The following AFF3 variants were observed in gnomAD, a reference collection of about 807,000 sequenced individuals.
AFF3 encodes the protein ALF transcription elongation factor 3.
AFF3 carries 32 observed loss-of-function variants against 129.7 expected under a neutral mutation model. The ratio of observed to expected loss-of-function variants is 0.25; its 90% CI spans 0.19 to 0.33. The LOEUF is 0.33. Among genes scored for constraint, AFF3 ranks in the 10% least tolerant of loss-of-function variants. The pLI, the probability that AFF3 is intolerant of heterozygous loss-of-function variation, is 1.00. For missense variants in AFF3, 1,373 were observed against 1,592.0 expected (o/e 0.86, Z 2.34); for synonymous variants, 644 against 635.4 (o/e 1.01, Z -0.20).
intron 7 of AFF3, among the ~76,000 whole-genome samples, chr2:99,994,384 T>C (rs1321521245): frequency 6.6e-6 from 1 of 152,182 alleles, no homozygotes; most frequent in Non-Finnish European, 1.5e-5. Flanking sequence ...TGAGACACTG[T>C]CATCTCTGAA....
At chr2:99,589,330 G>A (rs559629997) in intron 15 of AFF3, among the ~76,000 whole-genome samples, 3 of 150,206 alleles carry the variant, frequency 2.0e-5, no homozygotes, top group South Asian at 2.1e-4. Context: ...GAGCTGCCAA[G>A]TATTACTGAG....
intron 11 of AFF3, among the ~76,000 whole-genome samples, chr2:99,686,596 T>C (rs773644532): frequency 9.9e-5 from 15 of 152,204 alleles, no homozygotes; most frequent in South Asian, 2.1e-4. Flanking sequence ...CCAAGCTCTA[T>C]TGACCTGTAA....
chr2:99,642,166 G>C (rs1348106070), intron 13 of AFF3, among the ~76,000 whole-genome samples: 1 of 152,246 alleles, frequency 6.6e-6, no homozygotes, highest in East Asian at 1.9e-4. Flanking sequence ...GGAGGAGCCA[G>C]AGGCTATCTG....
At chr2:99,673,918 AC>A (rs1173000723) in intron 11 of AFF3, among the ~76,000 whole-genome samples, 4 of 152,160 alleles carry the variant, frequency 2.6e-5, no homozygotes, top group Admixed American at 6.5e-5. Context: ...TTGTGCAGTG[AC>A]GTGTTATAGA....
chr2:99,648,152 A>G (rs1274953933), intron 13 of AFF3, among the ~76,000 whole-genome samples: 2 of 152,188 alleles, frequency 1.3e-5, no homozygotes, highest in African/African-American at 2.4e-5. Flanking sequence ...TTACTAAAAT[A>G]TAATTTACAT....
chr2:99,769,535 T>G (rs1683294905), intron 8 of AFF3, among the ~76,000 whole-genome samples: 1 of 152,198 alleles, frequency 6.6e-6, no homozygotes, highest in African/African-American at 2.4e-5. Flanking sequence ...GCTGTTTTCC[T>G]GGATGATGTT....
At chr2:100,044,014 C>T (rs950292012) in intron 4 of AFF3, among the ~76,000 whole-genome samples, 1 of 152,212 alleles carries the variant, frequency 6.6e-6, no homozygotes, top group South Asian at 2.1e-4. Flanking sequence ...AATTAGGCAG[C>T]TTGCACCTGA....
chr2:99,570,385 T>C (rs999796613), intron 18 of AFF3, among the ~76,000 whole-genome samples: 3 of 152,194 alleles, frequency 2.0e-5, no homozygotes, highest in African/African-American at 7.2e-5. Context: ...TCGCCTAGGC[T>C]GGAGGGCAGT....
At chr2:100,006,160 A>C (rs868760361) in intron 7 of AFF3, 1 of 152,766 alleles carries the variant, frequency 6.5e-6, no homozygotes, top group Admixed American at 6.5e-5. Flanking sequence ...TATTTGGTAA[A>C]GTTTGTGTTA....
intron 18 of AFF3, among the ~76,000 whole-genome samples, chr2:99,574,903 G>A (rs1213913962): frequency 6.6e-6 from 1 of 152,040 alleles, no homozygotes; most frequent in Non-Finnish European, 1.5e-5. Flanking sequence ...CTTCACCCTC[G>A]GTGAAGAGAA....
chr2:99,817,951 C>T (rs1687370187), intron 8 of AFF3, among the ~76,000 whole-genome samples: 1 of 152,094 alleles, frequency 6.6e-6, no homozygotes, highest in Admixed American at 6.5e-5. Context: ...TTTTAGATGC[C>T]TTTGCCTTCT....
intron 7 of AFF3, among the ~76,000 whole-genome samples, chr2:99,932,573 AG>A (rs1674128298): frequency 6.6e-6 from 1 of 152,206 alleles, no homozygotes; most frequent in Non-Finnish European, 1.5e-5. Context: ...CCAGCCAACC[AG>A]TGCTGACGTC....
At chr2:100,082,568 A>G (rs1376492428) in intron 4 of AFF3, among the ~76,000 whole-genome samples, 3 of 152,250 alleles carry the variant, frequency 2.0e-5, no homozygotes, top group Non-Finnish European at 2.9e-5. Context: ...TGCCTCAGCA[A>G]CAAAAAGTGC....
At chr2:100,139,906 A>G (rs572125987) in intron 1 of AFF3, among the ~76,000 whole-genome samples, 1 of 152,346 alleles carries the variant, frequency 6.6e-6, no homozygotes, top group East Asian at 1.9e-4. Flanking sequence ...ACCGGAAATC[A>G]ACTAAATTTT....
intron 4 of AFF3, among the ~76,000 whole-genome samples, chr2:100,012,240 AAAG>A (rs917672096): frequency 2.0e-5 from 3 of 152,084 alleles, no homozygotes; most frequent in Non-Finnish European, 4.4e-5. Context: ...CCACTTCTTC[AAAG>A]GAGAGGAAAG....
In AFF3 at chr2:99,837,364, G is replaced by C; in HGVS notation, c.921+113C>G. On this transcript the variant is annotated intron_variant, in intron 8 of 24. Coordinates refer to ENST00000672756, the MANE Select transcript of AFF3 (RefSeq NM_001386135.1). The stretch of plus-strand genomic sequence containing the variant: ...AACTTATGTGACTACTCTCAGAAAA[G>C]GTAAATGTCAAACCACAGACTATGG... 2 of 1,025,826 alleles carry C rather than the reference G, an allele frequency of 1.9e-6. 1 individual carries two copies. Among genetic ancestry groups the C allele is most frequent in the South Asian group, 3.0e-5 (2 of 65,988 alleles). The allele number at this position is 1,025,826 out of a possible 1,614,324, so 63.5% of individuals were successfully genotyped here. A position where few individuals can be genotyped will look rare whatever the true frequency, so the allele number is the denominator to read the frequency against.
chr2:99,978,406 T>C (rs1018158005), intron 7 of AFF3, among the ~76,000 whole-genome samples: 1 of 152,304 alleles, frequency 6.6e-6, no homozygotes, highest in Non-Finnish European at 1.5e-5. Context: ...AAATTATTTA[T>C]TGGTCAATAA....
At chr2:100,065,168 T>G (rs1041447832) in intron 4 of AFF3, among the ~76,000 whole-genome samples, 7 of 152,258 alleles carry the variant, frequency 4.6e-5, no homozygotes, top group African/African-American at 1.4e-4. Context: ...CTGCTCTGCC[T>G]TCTTCTGGCT....
At chr2:100,011,720 C>A in intron 4 of AFF3, 1 of 647,620 alleles carries the variant, frequency 1.5e-6, no homozygotes, top group South Asian at 1.8e-5. Context: ...GGGAGGCAAG[C>A]TGAACAAAGG....
Sources: gnomAD v4.1 joint callset for allele counts (sites outside exome capture counted in the v4.1 genomes callset) on GRCh38, gnomAD v4.1.1 for gene constraint, MANE v1.5 for transcripts, NCBI Gene and HGNC (gene_info 2026-07-23, HGNC 2026-07-21) for gene names.